CFAP299: variants seen among roughly 807,000 people sequenced by gnomAD.
CFAP299 encodes cilia- and flagella-associated protein 299.
CFAP299 carries 21 observed loss-of-function variants against 27.0 expected under a neutral mutation model. That is an observed-to-expected ratio of 0.78 (90% CI 0.55 to 1.12). The LOEUF (loss-of-function observed/expected upper bound fraction) is 1.12. CFAP299 is among the 50% of genes most tolerant of loss of function. The pLI is 0.00. For synonymous variants in CFAP299, 104 were observed against 98.1 expected, an observed-to-expected ratio of 1.06 and a Z score of -0.36; for missense variants, 310 against 276.6, an observed-to-expected ratio of 1.12 and a Z score of -0.86.
intron 2 of CFAP299, among the ~76,000 whole-genome samples, chr4:80,549,731 T>C (rs1469998639): frequency 6.6e-6 from 1 of 152,124 alleles, no homozygotes; most frequent in Non-Finnish European, 1.5e-5. Flanking sequence ...TATTTAATTG[T>C]TCATATTAAA....
intron 2 of CFAP299, among the ~76,000 whole-genome samples, chr4:80,397,789 C>A (rs1478251746): frequency 1.3e-5 from 2 of 152,254 alleles, no homozygotes; most frequent in Admixed American, 1.3e-4. Flanking sequence ...GACAGGGATG[C>A]CCTTTCTCAC....
chr4:80,894,402 ATAAT>A (rs1426114351), intron 4 of CFAP299, among the ~76,000 whole-genome samples: 2 of 152,014 alleles, frequency 1.3e-5, no homozygotes, highest in African/African-American at 4.8e-5. Flanking sequence ...AGTACATCTA[ATAAT>A]TTGTGTGTTT....
intron 1 of CFAP299, among the ~76,000 whole-genome samples, chr4:80,344,430 C>T (rs985156795): frequency 3.9e-5 from 6 of 152,078 alleles, no homozygotes; most frequent in Non-Finnish European, 8.8e-5. Flanking sequence ...CAAATACACC[C>T]TCCCAAGACT....
At chr4:80,520,781 T>G (rs1020008974) in intron 2 of CFAP299, among the ~76,000 whole-genome samples, 5 of 152,240 alleles carry the variant, frequency 3.3e-5, no homozygotes, top group Admixed American at 3.3e-4. Flanking sequence ...TTATGCACAT[T>G]AAACAAGACT....
Position 80,615,437 on chromosome 4 carries a change from T to C in CFAP299, c.333+32254T>C, listed in dbSNP as rs114339648. 9.0e-3 allele frequency among the ~76,000 whole-genome samples: 1,370 copies of C among 152,330 alleles called. 21 individuals are homozygous for C. Among genetic ancestry groups the C allele is most frequent in the African/African-American group, 0.03 (1,264 of 41,570 alleles). On this transcript the variant is annotated intron_variant, in intron 3 of 5. Coordinates refer to ENST00000358105, the MANE Select transcript of CFAP299 (RefSeq NM_152770.3). ...GTCATACTTATTTACAAAGTAAAGC[T>C]TTAAAAATATTTTAATACTTTATTG...
intron 3 of CFAP299, among the ~76,000 whole-genome samples, chr4:80,768,853 A>G (rs960726395): frequency 3.3e-5 from 5 of 152,214 alleles, no homozygotes; most frequent in Non-Finnish European, 7.3e-5. Flanking sequence ...AAGACAATAT[A>G]CACATACAAG....
chr4:80,631,067 T>TA (rs1014088897), intron 3 of CFAP299, among the ~76,000 whole-genome samples: 2 of 152,066 alleles, frequency 1.3e-5, no homozygotes, highest in Non-Finnish European at 2.9e-5. Flanking sequence ...TAGTGTTGTT[T>TA]AAATTAATTA....
intron 3 of CFAP299, among the ~76,000 whole-genome samples, chr4:80,812,963 T>C (rs967967640): frequency 6.6e-6 from 1 of 152,110 alleles, no homozygotes; most frequent in Non-Finnish European, 1.5e-5. Context: ...TCACATGAAG[T>C]GTTATTTTTT....
chr4:80,419,134 A>T (rs1727163393), intron 2 of CFAP299, among the ~76,000 whole-genome samples: 1 of 152,214 alleles, frequency 6.6e-6, no homozygotes, highest in Admixed American at 6.5e-5. Context: ...TTTTAGAGCA[A>T]GAGCGAAAGT....
At position 80,387,702 on chromosome 4, in the gene CFAP299, A is replaced by G. The variant is rs541912962; in HGVS notation, c.242+24818A>G. The G allele has an allele frequency of 1.0e-5, 16 of 1,577,196 alleles. No homozygotes were observed. In the African/African-American group the frequency reaches 2.2e-4, roughly 21 times the overall value. On this transcript the variant is annotated intron_variant, in intron 2 of 5. Transcript: ENST00000358105. ...TCTGGGCAAAGGCATGGCCACATGC[A>G]ATGCATTGGAAGGGCTTCTCACCTG...
intron 2 of CFAP299, among the ~76,000 whole-genome samples, chr4:80,579,239 C>T (rs1736044149): frequency 2.0e-5 from 3 of 152,156 alleles, no homozygotes; most frequent in Admixed American, 2.0e-4. Context: ...ATATTGCATT[C>T]TAGCTACAAG....
At chr4:80,560,210 G>C (rs1293682556) in intron 2 of CFAP299, among the ~76,000 whole-genome samples, 7 of 151,938 alleles carry the variant, frequency 4.6e-5, no homozygotes, top group Non-Finnish European at 1.0e-4. Context: ...ACACACCCTG[G>C]GTCAGAAGGG....
chr4:80,870,696 T>G (rs1231321178), intron 4 of CFAP299: 1 of 985,338 alleles, frequency 1.0e-6, no homozygotes, highest in Non-Finnish European at 1.2e-6. Context: ...TCTACTCCCT[T>G]CTAAATAGCA....
rs570431313 is a variant in CFAP299, at chr4:80,759,858, T to C, written c.334-110135T>C. Among the ~76,000 whole-genome samples, 191 of 152,290 alleles carry C rather than the reference T, an allele frequency of 1.3e-3. 1 individual carries two copies. Among genetic ancestry groups the C allele is most frequent in the Middle Eastern group, 3.4e-3 (1 of 294 alleles). On this transcript the variant is annotated intron_variant, in intron 3 of 5. Coordinates refer to ENST00000358105, the MANE Select transcript of CFAP299 (RefSeq NM_152770.3). ...TAACTTTATTCACCTAATAATAACC[T>C]ATGTCTCCTTAAACGTGTTTTTTTT...
intron 3 of CFAP299, among the ~76,000 whole-genome samples, chr4:80,869,161 A>G (rs564850230): frequency 1.3e-5 from 2 of 152,274 alleles, no homozygotes; most frequent in Non-Finnish European, 2.9e-5. Context: ...ATAAATTAAG[A>G]AATAAGTGGC....
intron 3 of CFAP299, among the ~76,000 whole-genome samples, chr4:80,832,907 C>T (rs549247469): frequency 2.0e-5 from 3 of 151,982 alleles, no homozygotes; most frequent in Admixed American, 6.6e-5. Flanking sequence ...TCAGAGATAT[C>T]GAAATTTTAA....
At chr4:80,328,825 A>G in the CFAP299 span, among the ~76,000 whole-genome samples, 1 of 152,206 alleles carries the variant, frequency 6.6e-6, no homozygotes, top group Non-Finnish European at 1.5e-5. Context: ...TTTTGAAGCT[A>G]GATGTGCCCT....
At chr4:80,952,448 G>T (rs1478055657) in intron 5 of CFAP299, among the ~76,000 whole-genome samples, 1 of 152,108 alleles carries the variant, frequency 6.6e-6, no homozygotes, top group Non-Finnish European at 1.5e-5. Context: ...ATCACTCAGG[G>T]TTCTTTGAGG....
At chr4:80,581,794 A>G (rs1736188883) in intron 2 of CFAP299, among the ~76,000 whole-genome samples, 1 of 151,710 alleles carries the variant, frequency 6.6e-6, no homozygotes. Context: ...CCTACAGGCT[A>G]CCTTTTTCAA....
Sources: allele counts gnomAD v4.1 joint callset (sites outside exome capture counted in the v4.1 genomes callset), GRCh38; gene constraint gnomAD v4.1.1; transcripts MANE v1.5; gene names NCBI Gene and HGNC (gene_info 2026-07-23, HGNC 2026-07-21).